SLC13A4: variants seen among roughly 807,000 people sequenced by gnomAD.
SLC13A4 encodes the protein solute carrier family 13 member 4.
Under a neutral mutation model 72.7 loss-of-function variants are expected in SLC13A4, and 28 were observed. That is an observed-to-expected ratio of 0.39 (90% confidence interval 0.29 to 0.53). SLC13A4 has a LOEUF of 0.53. Among genes scored for constraint, SLC13A4 ranks in the 20% least tolerant of loss-of-function variants. SLC13A4 has a pLI of 0.78. For missense variants in SLC13A4, 653 were observed against 788.0 expected (o/e 0.83, Z 2.05); for synonymous variants, 312 against 325.5 (o/e 0.96, Z 0.45).
At chr7:135,713,052 C>T (rs749155499) in intron 2 of SLC13A4, among the ~76,000 whole-genome samples, 14 of 152,142 alleles carry the variant, frequency 9.2e-5, no homozygotes, top group South Asian at 6.2e-4. Flanking sequence ...CATTCTTAGG[C>T]GGCTGCATTT....
intron 8 of SLC13A4, among the ~76,000 whole-genome samples, chr7:135,696,916 G>A (rs956539894): frequency 5.5e-4 from 83 of 152,250 alleles, no homozygotes; most frequent in African/African-American, 1.8e-3. Context: ...CCTCCCTTGG[G>A]TAGAGTGGCA....
At chr7:135,714,114 T>G (rs1796363937) in intron 2 of SLC13A4, among the ~76,000 whole-genome samples, 1 of 152,238 alleles carries the variant, frequency 6.6e-6, no homozygotes, top group East Asian at 1.9e-4. Flanking sequence ...TCTCATCACC[T>G]GATTTGCATT....
chr7:135,723,854 G>C (rs570991677), intron 1 of SLC13A4, among the ~76,000 whole-genome samples: 8 of 152,112 alleles, frequency 5.3e-5, no homozygotes, highest in Non-Finnish European at 1.2e-4. Context: ...GGGGCCAAAA[G>C]ATCAGAGGGA....
chr7:135,727,642 A>G lies in SLC13A4; in HGVS notation c.-146T>C, dbSNP rs576389600. On this transcript the variant is annotated 5_prime_UTR_variant, in exon 1 of 16. Transcript: ENST00000682651. ...TCCTTCGTCTTGGGGGCAGAACGGG[A>G]GGGCAGTTATACCCTCGCTGTTTCT... is the stretch of plus-strand genomic sequence containing the variant. 1,311 of 1,021,374 alleles carry G rather than the reference A, an allele frequency of 1.3e-3. 3 individuals carry two copies. Among genetic ancestry groups the G allele is most frequent in the Non-Finnish European group, 1.7e-3 (1,203 of 724,630 alleles). The allele number at this position is 1,021,374 out of a possible 1,614,324, so 63.3% of individuals were successfully genotyped here.
intron 7 of SLC13A4, 48 bp from the exon 8 acceptor site, chr7:135,699,596 T>C: frequency 6.6e-7 from 1 of 1,523,304 alleles, no homozygotes; most frequent in Non-Finnish European, 8.9e-7. Flanking sequence ...TTGGGCTGTC[T>C]GGCCGAAGCA....
At chr7:135,715,602 C>G (rs990123098) in intron 2 of SLC13A4, among the ~76,000 whole-genome samples, 1 of 152,072 alleles carries the variant, frequency 6.6e-6, no homozygotes, top group Non-Finnish European at 1.5e-5. Flanking sequence ...ACACCCTAAC[C>G]CTGGGCCTCC....
intron 2 of SLC13A4, among the ~76,000 whole-genome samples, chr7:135,711,840 C>T (rs923289451): frequency 1.3e-5 from 2 of 152,058 alleles, no homozygotes; most frequent in Non-Finnish European, 2.9e-5. Context: ...TCACTACAAC[C>T]TCTGCCTCCT....
intron 8 of SLC13A4, among the ~76,000 whole-genome samples, chr7:135,698,334 CT>C (rs10563133): frequency 0.018 from 1,871 of 104,374 alleles, 27 homozygotes; most frequent in South Asian, 0.039. Flanking sequence ...TGCTGGGACT[CT>C]TTTTTTTTTT....
intron 1 of SLC13A4, among the ~76,000 whole-genome samples, chr7:135,726,032 T>A (rs1796650155): frequency 6.6e-6 from 1 of 152,092 alleles, no homozygotes. Context: ...GGGCACCTAG[T>A]CTGTGCCTTC....
chr7:135,710,565 G>A lies in SLC13A4; in HGVS notation c.229-2315C>T, dbSNP rs555785351. 8.5e-5 allele frequency among the ~76,000 whole-genome samples: 13 copies of A among 152,196 alleles called. No individual in the cohort carries two copies. The South Asian group carries it at 1.2e-3, about 15-fold the overall frequency. On this transcript the variant is annotated intron_variant, in intron 2 of 15. Coordinates refer to ENST00000682651, the MANE Select transcript of SLC13A4 (RefSeq NM_001318192.2). ...AAAGTTACAAGTTATTGACTCTGAG[G>A]GTGGGGTGGGACTTGGTAGGGGGGG...
chr7:135,705,610 G>C lies in SLC13A4; in HGVS notation c.579C>G (p.Ile193Met). The C allele has an allele frequency of 1.2e-6, 2 of 1,614,098 alleles. No homozygotes were observed. ...GTCATACTCACTCTTCATTGACAAA[G>C]ATGAGTTCCAGAGAAGGTTGGCTGT... ...VKNSQPSLEL[I>M]FVNEDRSNAD... The change falls in exon 5 of 16, where the codon ATC becomes ATG. Residue 193 changes from isoleucine to methionine, a missense_variant. Ile to Met is a conservative substitution (Grantham distance 10). Coordinates refer to ENST00000682651, the MANE Select transcript of SLC13A4 (RefSeq NM_001318192.2).
chr7:135,725,683 G>A (rs1039598757), intron 1 of SLC13A4, among the ~76,000 whole-genome samples: 1 of 152,164 alleles, frequency 6.6e-6, no homozygotes, highest in Non-Finnish European at 1.5e-5. Context: ...CTAAAAGTTT[G>A]ATGCAGGCCA....
intron 2 of SLC13A4, among the ~76,000 whole-genome samples, chr7:135,720,374 G>A (rs1215988555): frequency 6.6e-6 from 1 of 152,102 alleles, no homozygotes; most frequent in African/African-American, 2.4e-5. Context: ...GAGCCTATCT[G>A]TAAAATGGAA....
chr7:135,696,033 T>C (rs1210688908), intron 8 of SLC13A4, among the ~76,000 whole-genome samples: 2 of 152,206 alleles, frequency 1.3e-5, no homozygotes, highest in Non-Finnish European at 2.9e-5. Flanking sequence ...TATGGGGAAC[T>C]GCTCATTCAT....
chr7:135,697,410 C>G (rs11531617), intron 8 of SLC13A4, among the ~76,000 whole-genome samples: 1 of 152,292 alleles, frequency 6.6e-6, no homozygotes, highest in East Asian at 1.9e-4. Flanking sequence ...TTCCCTCTCT[C>G]AGGCCCTTTC....
intron 13 of SLC13A4, among the ~76,000 whole-genome samples, chr7:135,689,635 G>A (rs1217540270): frequency 6.6e-6 from 1 of 152,114 alleles, no homozygotes; most frequent in African/African-American, 2.4e-5. Context: ...CTAGGAGAGG[G>A]TCCCAGAGAA....
In SLC13A4 at chr7:135,725,604, A is replaced by G. The variant is rs73721700; in HGVS notation, c.99+1794T>C. ...CCAGGAGCTCCTGCCCAGGTACTCC[A>G]TCACTGCTCTCAACTCCAGTCCAGA... On this transcript the variant is annotated intron_variant, in intron 1 of 15. Transcript: ENST00000682651. 3.6e-3 allele frequency among the ~76,000 whole-genome samples: 543 copies of G among 152,298 alleles called. 2 individuals are homozygous for G. The highest frequency in any genetic ancestry group is 0.013 in the African/African-American group (522 of 41,540).
Position 135,697,777 on chromosome 7 carries a change from G to A in SLC13A4, c.899+1587C>T, listed in dbSNP as rs146477360. On this transcript the variant is annotated intron_variant, in intron 8 of 15. Transcript: ENST00000682651. ...CCCTGGCCTCCTCTTACCCTCTGTC[G>A]TTTTCTTTTATGTGCTCCGCTGTCC... 1.6e-3 allele frequency among the ~76,000 whole-genome samples: 251 copies of A among 152,128 alleles called. 1 individual carries two copies. Among genetic ancestry groups the A allele is most frequent in the African/African-American group, 5.7e-3 (238 of 41,494 alleles).
In SLC13A4 at chr7:135,691,600, G is replaced by T; in HGVS notation, c.1269C>A (p.Phe423Leu). 1 of 1,614,020 alleles carries T rather than the reference G, an allele frequency of 6.2e-7. No individual in the cohort carries two copies. The highest frequency in any genetic ancestry group is 8.5e-7 in the Non-Finnish European group (1 of 1,179,860). The change falls in exon 12 of 16, where the codon TTC (phenylalanine) becomes TTA (leucine). Residue 423 changes from phenylalanine to leucine, a missense_variant. Transcript: ENST00000682651. ...TCTTCGCTGGAATGAGGAAGAGGAG[G>T]AAGCCAAGGAAGACAGAGACTGTGG... ...TDATVSVFLGFLLFLIPAKKP... is the reference protein window; with the variant it reads ...TDATVSVFLGLLLFLIPAKKP...
Sources: allele counts gnomAD v4.1 joint callset (sites outside exome capture counted in the v4.1 genomes callset), GRCh38; gene constraint gnomAD v4.1.1; transcripts MANE v1.5; gene names NCBI Gene and HGNC (gene_info 2026-07-23, HGNC 2026-07-21).